KIF2A: variants seen among roughly 807,000 people sequenced by gnomAD.
The protein encoded by KIF2A is kinesin family member 2A.
KIF2A carries 22 observed loss-of-function variants against 100.2 expected under a neutral mutation model. The observed-to-expected ratio is 0.22, with a 90% confidence interval of 0.16 to 0.31. KIF2A has a LOEUF of 0.31. Ranked by LOEUF, KIF2A falls within the 10% of genes least tolerant of loss-of-function variation. The probability of loss-of-function intolerance (pLI) is 1.00; values close to 1 mark genes in which losing one functional copy is unlikely to be tolerated. For missense variants in KIF2A, 495 were observed against 898.7 expected (o/e 0.55, Z 5.74); for synonymous variants, 268 against 285.9 (o/e 0.94, Z 0.63).
intron 5 of KIF2A, 64 bp downstream of exon 5, chr5:62,352,774 C>A: frequency 2.3e-6 from 3 of 1,305,498 alleles, no homozygotes; most frequent in Non-Finnish European, 3.2e-6. Context: ...TCTTGGTCAT[C>A]CTTTTAAGTC....
chr5:62,370,163 CCTTATATTAGAATCATATA>C (rs1741255409), intron 16 of KIF2A, among the ~76,000 whole-genome samples: 2 of 152,084 alleles, frequency 1.3e-5, no homozygotes, highest in South Asian at 4.1e-4. Context: ...TTTTTCATAT[CCTTATATTAGAATCATATA>C]CTTTGAAAGT....
chr5:62,370,113 C>G (rs1159649633), intron 16 of KIF2A, among the ~76,000 whole-genome samples: 1 of 152,176 alleles, frequency 6.6e-6, no homozygotes, highest in African/African-American at 2.4e-5. Context: ...GTGAGCAGTT[C>G]TGTCTAAAAA....
At chr5:62,333,510 A>G (rs1746761567) in intron 1 of KIF2A, among the ~76,000 whole-genome samples, 1 of 152,196 alleles carries the variant, frequency 6.6e-6, no homozygotes, top group African/African-American at 2.4e-5. Context: ...GTGCAAGTTT[A>G]GTGAGATCAC....
intron 6 of KIF2A, among the ~76,000 whole-genome samples, chr5:62,354,476 G>A (rs1356680967): frequency 2.0e-5 from 3 of 152,094 alleles, no homozygotes; most frequent in Non-Finnish European, 4.4e-5. Flanking sequence ...ATTGTTCAAG[G>A]CTAGGAAAGA....
At chr5:62,347,616 G>A (rs1747638224) in intron 2 of KIF2A, among the ~76,000 whole-genome samples, 1 of 151,856 alleles carries the variant, frequency 6.6e-6, no homozygotes, top group African/African-American at 2.4e-5. Flanking sequence ...GTAAGGCTAA[G>A]GCACTGTATT....
chr5:62,365,326 C>A lies in KIF2A; in HGVS notation c.1551C>A (p.Phe517Leu). The change falls in exon 15 of 21, where the codon TTC becomes TTA. Residue 517 changes from phenylalanine (F) to leucine (L), a missense_variant. Coordinates refer to ENST00000407818, the MANE Select transcript of KIF2A (RefSeq NM_001098511.3). The part of the protein sequence containing the change: ...SKLTQVLRDS[F>L]IGENSRTCMI... ...TCACTCAGGTGTTAAGAGATTCTTT[C>A]ATAGGTGAAAACTCTCGTACCTGCA... 2 of 1,599,328 alleles carry A rather than the reference C, an allele frequency of 1.3e-6. No homozygotes were observed. The highest frequency in any genetic ancestry group is 1.1e-5 in the South Asian group (1 of 89,488).
At chr5:62,315,527 C>T (rs1415995600) in intron 1 of KIF2A, among the ~76,000 whole-genome samples, 1 of 152,172 alleles carries the variant, frequency 6.6e-6, no homozygotes, top group Non-Finnish European at 1.5e-5. Flanking sequence ...GTCGGTTGCC[C>T]TGAGGGCAAG....
chr5:62,349,484 A>C (rs1747736743), intron 3 of KIF2A, among the ~76,000 whole-genome samples: 1 of 152,056 alleles, frequency 6.6e-6, no homozygotes, highest in African/African-American at 2.4e-5. Flanking sequence ...ACATTATTTG[A>C]TATCTTTTTT....
In KIF2A at chr5:62,348,109, C is replaced by T. The variant is rs1258484187; in HGVS notation, c.221C>T (p.Pro74Leu). ...CTTGTTCCTGATGAAGAAATTGAAC[C>T]CAGTCCAGAAACACCTCCACCTCCA... ...PDLVPDEEIE[P>L]SPETPPPPAS... The change falls in exon 3 of 21, where the codon CCC becomes CTC. Residue 74 changes from proline (P) to leucine (L), a missense_variant. By Grantham distance (98) the Pro-to-Leu change is moderately conservative (BLOSUM62 -3). Coordinates refer to ENST00000407818, the MANE Select transcript of KIF2A (RefSeq NM_001098511.3). 6.2e-7 allele frequency: 1 copy of T among 1,613,708 alleles called. No individual in the cohort carries two copies. The highest frequency in any genetic ancestry group is 1.7e-5 in the Admixed American group (1 of 59,994).
chr5:62,333,355 T>C (rs1297743927), intron 1 of KIF2A, among the ~76,000 whole-genome samples: 1 of 152,150 alleles, frequency 6.6e-6, no homozygotes, highest in Non-Finnish European at 1.5e-5. Context: ...CGGCAGTCGC[T>C]GTGGCTGGAA....
intron 20 of KIF2A, among the ~76,000 whole-genome samples, chr5:62,384,705 C>T (rs983849579): frequency 6.6e-6 from 1 of 152,210 alleles, no homozygotes; most frequent in Non-Finnish European, 1.5e-5. Context: ...GACTCTAGAG[C>T]AGTACATGAC....
At chr5:62,315,870 A>G (rs1745795444) in intron 1 of KIF2A, among the ~76,000 whole-genome samples, 1 of 152,228 alleles carries the variant, frequency 6.6e-6, no homozygotes, top group Admixed American at 6.5e-5. Context: ...AGCAATGATT[A>G]AGGAACAGAT....
chr5:62,369,354 T>C (rs995028849), intron 16 of KIF2A, among the ~76,000 whole-genome samples: 19 of 152,108 alleles, frequency 1.2e-4, no homozygotes, highest in African/African-American at 4.3e-4. Flanking sequence ...GCAAGGCACC[T>C]TCACCAGGCA....
At chr5:62,375,590 A>G (rs898477679) in intron 18 of KIF2A, among the ~76,000 whole-genome samples, 4 of 152,208 alleles carry the variant, frequency 2.6e-5, no homozygotes, top group Non-Finnish European at 5.9e-5. Flanking sequence ...TTTGTAAACA[A>G]TGTTAGTTAG....
At chr5:62,311,377 T>C (rs1161845182) in intron 1 of KIF2A, among the ~76,000 whole-genome samples, 1 of 152,222 alleles carries the variant, frequency 6.6e-6, no homozygotes, top group African/African-American at 2.4e-5. Context: ...AGAAGTGCTA[T>C]GTTACTACAA....
chr5:62,306,270 C>T lies in KIF2A; in HGVS notation c.-203C>T, dbSNP rs1745259228. The T allele has an allele frequency of 1.9e-6, 1 of 538,886 alleles. No homozygotes were observed. Among genetic ancestry groups the T allele is most frequent in the Non-Finnish European group, 3.3e-6 (1 of 306,426 alleles). The allele number at this position is 538,886 out of a possible 1,614,324, so 33.4% of individuals were successfully genotyped here. ...CACCCCGACTACCCGGCGTGCGCGT[C>T]CTCCTGCCGGCCTGCAGGCCCGGGG... On this transcript the variant is annotated 5_prime_UTR_variant, in exon 1 of 21. Coordinates refer to ENST00000407818, the MANE Select transcript of KIF2A (RefSeq NM_001098511.3).
chr5:62,331,025 A>G (rs1201539683), intron 1 of KIF2A, among the ~76,000 whole-genome samples: 1 of 152,242 alleles, frequency 6.6e-6, no homozygotes, highest in Non-Finnish European at 1.5e-5. Flanking sequence ...GGATTTGGAA[A>G]TAGCCATTAT....
Position 62,389,114 on chromosome 5 carries a change from A to AGAAC in KIF2A, c.*3545_*3546insGAAC. ...GCTAATTTGTAGCACATAACGGTATATAGTTCTATACCATTAATACTAAAA... is the reference window on the plus strand; with the variant it reads ...GCTAATTTGTAGCACATAACGGTATAGAACTAGTTCTATACCATTAATACTAAAA... On this transcript the variant is annotated 3_prime_UTR_variant, in exon 21 of 21. Transcript: ENST00000407818. 13 of 1,401,670 alleles carry AGAAC rather than the reference A, an allele frequency of 9.3e-6. No homozygotes were observed. Among genetic ancestry groups the AGAAC allele is most frequent in the African/African-American group, 1.4e-5 (1 of 69,842 alleles). 86.8% of individuals were successfully genotyped at this position (1,401,670 alleles called of 1,614,324 possible).
rs766134070 is a variant in KIF2A, at chr5:62,373,768, C to A, written c.1842C>A (p.Asp614Glu). Residue 614 changes from aspartate to glutamate, a missense_variant, in exon 18 of 21, where the codon GAC becomes GAA. By Grantham distance (45) the Asp-to-Glu change is conservative. Coordinates refer to ENST00000407818, the MANE Select transcript of KIF2A (RefSeq NM_001098511.3). ...ACCATCCACCAAACCAGATTGATGACTTAGAGACACAGTGGGGTGTGGGGA... is the reference window on the plus strand; with the variant it reads ...ACCATCCACCAAACCAGATTGATGAATTAGAGACACAGTGGGGTGTGGGGA... The part of the protein sequence containing the change: ...IMHHPPNQID[D>E]LETQWGVGSS... The A allele has an allele frequency of 6.2e-6, 10 of 1,612,890 alleles. No individual in the cohort carries two copies. In the South Asian group the frequency reaches 1.1e-4, roughly 18 times the overall value.
Sources: allele counts gnomAD v4.1 joint callset (sites outside exome capture counted in the v4.1 genomes callset), GRCh38; gene constraint gnomAD v4.1.1; transcripts MANE v1.5; gene names NCBI Gene and HGNC (gene_info 2026-07-23, HGNC 2026-07-21).